STPG2: variants seen among roughly 807,000 people sequenced by gnomAD.
STPG2 encodes the protein sperm tail PG-rich repeat containing 2, also known as sperm-tail PG-rich repeat-containing protein 2.
In STPG2, 56 loss-of-function variants were observed where a neutral mutation model predicts 54.2. That is an observed-to-expected ratio of 1.03 (90% CI 0.83 to 1.29). The LOEUF (loss-of-function observed/expected upper bound fraction) is 1.29, where lower values mean the gene tolerates loss of function less well. STPG2 is among the 50% of genes most tolerant of loss of function. The probability of loss-of-function intolerance (pLI) is 0.00; values close to 1 mark genes in which losing one functional copy is unlikely to be tolerated. For missense variants in STPG2, 596 were observed against 544.9 expected, an observed-to-expected ratio of 1.09 and a Z score of -0.93; for synonymous variants, 200 against 181.8, an observed-to-expected ratio of 1.10 and a Z score of -0.81.
At chr4:97,522,433 C>A (rs1231456510) in intron 4 of STPG2, among the ~76,000 whole-genome samples, 1 of 151,960 alleles carries the variant, frequency 6.6e-6, no homozygotes, top group Non-Finnish European at 1.5e-5. Flanking sequence ...CTAGTTAAGA[C>A]ACTTTTCCCA....
intron 5 of STPG2, among the ~76,000 whole-genome samples, chr4:98,080,672 C>T (rs753295542): frequency 1.3e-5 from 2 of 152,054 alleles, no homozygotes; most frequent in Non-Finnish European, 2.9e-5. Context: ...TTGATGTCTT[C>T]GTACTTTTCA....
At chr4:97,777,370 C>T (rs559460902) in intron 9 of STPG2, among the ~76,000 whole-genome samples, 1 of 152,108 alleles carries the variant, frequency 6.6e-6, no homozygotes, top group Non-Finnish European at 1.5e-5. Context: ...TATTCTGATG[C>T]GACTTTAAAA....
At chr4:97,886,558 T>C (rs1002269233) in intron 8 of STPG2, among the ~76,000 whole-genome samples, 34 of 152,334 alleles carry the variant, frequency 2.2e-4, no homozygotes, top group African/African-American at 7.5e-4. Flanking sequence ...TATGACTAAA[T>C]GGAAACCTGT....
intron 10 of STPG2, among the ~76,000 whole-genome samples, chr4:97,654,950 C>T (rs1221040087): frequency 1.3e-5 from 2 of 151,978 alleles, no homozygotes; most frequent in Admixed American, 1.3e-4. Flanking sequence ...TAACAAACAG[C>T]ATATTCAGTA....
chr4:98,002,743 A>G (rs1019257718), intron 5 of STPG2, among the ~76,000 whole-genome samples: 1 of 152,076 alleles, frequency 6.6e-6, no homozygotes, highest in Non-Finnish European at 1.5e-5. Context: ...GGCAATTAAC[A>G]CTGAAGATGA....
intron 10 of STPG2, among the ~76,000 whole-genome samples, chr4:97,614,758 C>G (rs961050931): frequency 1.3e-5 from 2 of 152,090 alleles, no homozygotes; most frequent in African/African-American, 4.8e-5. Context: ...AAAATTTTCA[C>G]TGAAAGCTCT....
intron 5 of STPG2, among the ~76,000 whole-genome samples, chr4:98,081,556 C>T (rs533380547): frequency 5.3e-5 from 8 of 152,286 alleles, no homozygotes; most frequent in African/African-American, 1.9e-4. Flanking sequence ...TTCTGGATAG[C>T]TTTGATTCAG....
chr4:97,495,710 C>CAAAAAAAAAAAAAAAAAAAAA, intron 4 of STPG2, among the ~76,000 whole-genome samples: 1 of 117,798 alleles, frequency 8.5e-6, no homozygotes, highest in Non-Finnish European at 1.8e-5. Context: ...ATGGTCAAGA[C>CAAAAAAAAAAAAAAAAAAAAA]AAAAAAAAAA....
chr4:97,835,280 T>C (rs1578606329), intron 9 of STPG2, among the ~76,000 whole-genome samples: 1 of 152,110 alleles, frequency 6.6e-6, no homozygotes, highest in Non-Finnish European at 1.5e-5. Flanking sequence ...GGCAATGTCA[T>C]AAAGTTATCC....
rs968318961 is a variant in STPG2 at position 97,900,938 on chromosome 4, A to G, written c.1044+42959T>C. On this transcript the variant is annotated intron_variant, in intron 8 of 10. Coordinates refer to ENST00000295268, the MANE Select transcript of STPG2 (RefSeq NM_174952.3). ...TCAAACTGAAAATAAAAGTTTTTTT[A>G]AAACATAAGAGGTGAAAATAACCTT... Among the ~76,000 whole-genome samples the G allele has an allele frequency of 2.6e-5, 4 of 152,052 alleles. No homozygotes were observed. In the East Asian group the frequency reaches 7.7e-4, roughly 29 times the overall value.
intron 5 of STPG2, among the ~76,000 whole-genome samples, chr4:98,094,836 G>A (rs1738800151): frequency 6.6e-6 from 1 of 152,168 alleles, no homozygotes; most frequent in Admixed American, 6.5e-5. Context: ...CTTAGCCACA[G>A]TATAATAGAA....
At chr4:97,887,176 A>G (rs1730601979) in intron 8 of STPG2, among the ~76,000 whole-genome samples, 1 of 152,232 alleles carries the variant, frequency 6.6e-6, no homozygotes, top group Non-Finnish European at 1.5e-5. Flanking sequence ...GGGTATTAAT[A>G]TAAAGATACC....
intron 5 of STPG2, among the ~76,000 whole-genome samples, chr4:98,072,177 G>A (rs539724355): frequency 6.6e-6 from 1 of 152,280 alleles, no homozygotes; most frequent in Admixed American, 6.5e-5. Context: ...ATCAATGATA[G>A]ACTGGATAAA....
chr4:97,817,131 C>T (rs940384951), intron 9 of STPG2, among the ~76,000 whole-genome samples: 2 of 150,120 alleles, frequency 1.3e-5, no homozygotes, highest in East Asian at 1.9e-4. Flanking sequence ...TACATTCCAC[C>T]TTGGAAATGT....
intron 10 of STPG2, among the ~76,000 whole-genome samples, chr4:97,654,174 G>T (rs1722156053): frequency 1.3e-5 from 2 of 152,146 alleles, no homozygotes; most frequent in African/African-American, 4.8e-5. Context: ...CAAATGGAAG[G>T]TATCTACAGC....
intron 10 of STPG2, among the ~76,000 whole-genome samples, chr4:97,632,126 T>G (rs1380023277): frequency 6.6e-6 from 1 of 151,980 alleles, no homozygotes; most frequent in Non-Finnish European, 1.5e-5. Context: ...TATTGATACC[T>G]TCAAAAAAGG....
chr4:97,973,831 A>AGG (rs2149258451), intron 6 of STPG2, among the ~76,000 whole-genome samples: 1 of 152,312 alleles, frequency 6.6e-6, no homozygotes, highest in South Asian at 2.1e-4. Flanking sequence ...AGTTTGCTGC[A>AGG]GGGGTGGGGC....
intron 10 of STPG2, among the ~76,000 whole-genome samples, chr4:97,561,051 G>C (rs1232221935): frequency 1.3e-5 from 2 of 152,072 alleles, no homozygotes; most frequent in African/African-American, 4.8e-5. Context: ...GGTTGAACTA[G>C]TTTACAGTCC....
intron 9 of STPG2, among the ~76,000 whole-genome samples, chr4:97,793,382 C>T (rs201624901): frequency 0.16 from 24,591 of 151,040 alleles, 2,180 homozygotes; most frequent in East Asian, 0.35. Flanking sequence ...CACACACACA[C>T]ACACACACAC....
Sources: gnomAD v4.1 joint callset for allele counts (sites outside exome capture counted in the v4.1 genomes callset) on GRCh38, gnomAD v4.1.1 for gene constraint, MANE v1.5 for transcripts, NCBI Gene and HGNC (gene_info 2026-07-23, HGNC 2026-07-21) for gene names.